The following NRXN3 variants were observed in gnomAD, a reference collection of about 807,000 sequenced individuals.
The protein encoded by NRXN3 is neurexin 3.
In NRXN3, 32 loss-of-function variants were observed where a neutral mutation model predicts 137.6. The ratio of observed to expected loss-of-function variants is 0.23; its 90% CI spans 0.18 to 0.31. NRXN3 has a LOEUF of 0.31. Ranked by LOEUF, NRXN3 falls within the 10% of genes least tolerant of loss-of-function variation. NRXN3 has a pLI of 1.00. For missense variants in NRXN3, 1,574 were observed against 2,062.5 expected (o/e 0.76, Z 4.59); for synonymous variants, 798 against 784.5 (o/e 1.02, Z -0.29).
chr14:79,753,735 TAAA>T (rs1261861353), intron 19 of NRXN3, among the ~76,000 whole-genome samples: 1 of 149,712 alleles, frequency 6.7e-6, no homozygotes, highest in African/African-American at 2.5e-5. Context: ...ATAATAATAA[TAAA>T]AAGAAATTTC....
In NRXN3 at chr14:79,498,443, G is replaced by C. The variant is rs573303031; in HGVS notation, c.3444+31041G>C. On this transcript the variant is annotated intron_variant, in intron 16 of 20. Transcript: ENST00000335750. ...ACTGCCCGTGTGAAGAGCTTCCACT[G>C]TGATACCCAGTAGGCATCTGAAAAG... Among the ~76,000 whole-genome samples the C allele has an allele frequency of 1.8e-4, 27 of 152,260 alleles. No homozygotes were observed. In the East Asian group the frequency reaches 5.2e-3, roughly 29 times the overall value.
At chr14:78,394,440 A>G (rs1053019546) in intron 4 of NRXN3, among the ~76,000 whole-genome samples, 1 of 152,046 alleles carries the variant, frequency 6.6e-6, no homozygotes, top group South Asian at 2.1e-4. Context: ...GTCATGGTAT[A>G]TAATTCTTTG....
intron 19 of NRXN3, among the ~76,000 whole-genome samples, chr14:79,754,149 CCT>C (rs1160607672): frequency 6.6e-6 from 1 of 151,778 alleles, no homozygotes; most frequent in Non-Finnish European, 1.5e-5. Context: ...TGGTGAAACC[CCT>C]GTCTCTACTA....
intron 2 of NRXN3, among the ~76,000 whole-genome samples, chr14:78,275,541 C>T (rs1053066246): frequency 6.6e-6 from 1 of 152,132 alleles, no homozygotes; most frequent in Non-Finnish European, 1.5e-5. Flanking sequence ...TTTAGGTAAG[C>T]TGTCTTCACA....
intron 15 of NRXN3, among the ~76,000 whole-genome samples, chr14:79,352,854 A>G (rs993134613): frequency 6.6e-6 from 1 of 152,124 alleles, no homozygotes; most frequent in Non-Finnish European, 1.5e-5. Flanking sequence ...CAGAAGCTCA[A>G]AATTTGGATT....
intron 16 of NRXN3, among the ~76,000 whole-genome samples, chr14:79,526,048 AT>A (rs890022953): frequency 6.6e-6 from 1 of 151,034 alleles, no homozygotes; most frequent in South Asian, 2.1e-4. Flanking sequence ...TACCCACCTA[AT>A]TTTTTTTCTT....
At chr14:78,837,223 C>G (rs1294408741) in intron 10 of NRXN3, among the ~76,000 whole-genome samples, 2 of 152,204 alleles carry the variant, frequency 1.3e-5, no homozygotes, top group East Asian at 3.8e-4. Context: ...TAAAGTCTCT[C>G]TCTCTTTCAG....
intron 16 of NRXN3, among the ~76,000 whole-genome samples, chr14:79,556,512 C>G (rs1415837949): frequency 6.6e-6 from 1 of 152,114 alleles, no homozygotes; most frequent in Non-Finnish European, 1.5e-5. Context: ...TTTTCCCACT[C>G]CCCTTGACTA....
intron 6 of NRXN3, among the ~76,000 whole-genome samples, chr14:78,669,814 G>A (rs900379517): frequency 9.2e-5 from 14 of 151,924 alleles, no homozygotes; most frequent in South Asian, 4.2e-4. Flanking sequence ...TCACCATCTT[G>A]GTTTTGGTGG....
rs181229767 is a variant in NRXN3 at position 78,554,631 on chromosome 14, T to G, written c.758-90489T>G. Among the ~76,000 whole-genome samples the G allele has an allele frequency of 2.5e-4, 38 of 152,334 alleles. 1 individual carries two copies. The East Asian group carries it at 7.3e-3, about 29-fold the overall frequency. On this transcript the variant is annotated intron_variant, in intron 4 of 20. Transcript: ENST00000335750. ...TCAAATCTTCTGCATAGAGACCTTC[T>G]GAGTTGGCTCTACCTAGTCTGTGAT...
At chr14:78,533,886 G>A (rs971178809) in intron 4 of NRXN3, among the ~76,000 whole-genome samples, 1 of 152,008 alleles carries the variant, frequency 6.6e-6, no homozygotes, top group African/African-American at 2.4e-5. Context: ...TTTCCTCAAT[G>A]TGCCTCCATA....
chr14:79,669,947 A>G (rs1282595176), intron 17 of NRXN3, among the ~76,000 whole-genome samples: 2 of 152,092 alleles, frequency 1.3e-5, no homozygotes, highest in Admixed American at 6.6e-5. Flanking sequence ...TGTAGAAGCT[A>G]AAAAATGTGT....
intron 16 of NRXN3, among the ~76,000 whole-genome samples, chr14:79,602,483 C>T (rs17836210): frequency 0.014 from 2,150 of 152,272 alleles, 28 homozygotes; most frequent in Non-Finnish European, 0.021. Flanking sequence ...GAACCTTTCC[C>T]ATCTCTTCAG....
chr14:78,281,972 C>A (rs1035486126), intron 3 of NRXN3, among the ~76,000 whole-genome samples: 2 of 152,138 alleles, frequency 1.3e-5, no homozygotes, highest in Non-Finnish European at 2.9e-5. Flanking sequence ...CCTCAAAAAT[C>A]TCTATTGAAC....
chr14:78,235,376 G>A (rs1331583663), intron 1 of NRXN3, among the ~76,000 whole-genome samples: 2 of 151,976 alleles, frequency 1.3e-5, no homozygotes, highest in East Asian at 1.9e-4. Flanking sequence ...AAGAGCCTGT[G>A]TCCTAATGGG....
At chr14:78,695,722 G>A (rs571185269) in intron 6 of NRXN3, 1 of 152,126 alleles carries the variant, frequency 6.6e-6, no homozygotes, top group East Asian at 1.9e-4. Flanking sequence ...AGTGTGCACA[G>A]TTGGCTTGGC....
intron 15 of NRXN3, among the ~76,000 whole-genome samples, chr14:79,308,244 T>C (rs1205467306): frequency 6.6e-6 from 1 of 152,180 alleles, no homozygotes; most frequent in Non-Finnish European, 1.5e-5. Flanking sequence ...ATCTTTGTCC[T>C]TTGTATGTCT....
chr14:78,748,705 T>C (rs2098626055), intron 8 of NRXN3, among the ~76,000 whole-genome samples: 1 of 152,070 alleles, frequency 6.6e-6, no homozygotes, highest in African/African-American at 2.4e-5. Flanking sequence ...ATGCTGATGA[T>C]TGAGCTATAG....
At chr14:78,389,212 T>C (rs926716682) in intron 4 of NRXN3, among the ~76,000 whole-genome samples, 13 of 152,052 alleles carry the variant, frequency 8.5e-5, no homozygotes, top group Admixed American at 6.6e-4. Context: ...CCCACCACCA[T>C]GCCTGGCTAA....
Sources: allele counts gnomAD v4.1 joint callset (sites outside exome capture counted in the v4.1 genomes callset), GRCh38; gene constraint gnomAD v4.1.1; transcripts MANE v1.5; gene names NCBI Gene and HGNC (gene_info 2026-07-23, HGNC 2026-07-21).